The following TIAM2 variants were observed in gnomAD, a reference collection of about 807,000 sequenced individuals.
TIAM2 encodes the protein rho guanine nucleotide exchange factor TIAM2.
In TIAM2, 80 loss-of-function variants were observed where a neutral mutation model predicts 152.9. The ratio of observed to expected loss-of-function variants is 0.52; its 90% CI spans 0.44 to 0.63. The LOEUF (loss-of-function observed/expected upper bound fraction) is 0.63, where lower values mean the gene tolerates loss of function less well. TIAM2 is among the 30% of genes least tolerant of loss of function. The pLI, the probability that TIAM2 is intolerant of heterozygous loss-of-function variation, is 0.00. For missense variants in TIAM2, 1,965 were observed against 2,120.1 expected, an observed-to-expected ratio of 0.93 and a Z score of 1.44; for synonymous variants, 804 against 838.0, an observed-to-expected ratio of 0.96 and a Z score of 0.70.
intron 1 of TIAM2, among the ~76,000 whole-genome samples, chr6:155,012,703 A>G (rs1447709455): frequency 1.3e-5 from 2 of 152,098 alleles, no homozygotes; most frequent in African/African-American, 4.8e-5. Flanking sequence ...GGCTCCCGCC[A>G]CCATGCCTGG....
intron 1 of TIAM2, among the ~76,000 whole-genome samples, chr6:155,059,656 A>G (rs1777533632): frequency 6.6e-6 from 1 of 152,112 alleles, no homozygotes; most frequent in Admixed American, 6.6e-5. Flanking sequence ...AATTAAGGTT[A>G]TGGATTTTGG....
At chr6:155,145,690 G>A (rs1282444512) in intron 6 of TIAM2, among the ~76,000 whole-genome samples, 2 of 152,126 alleles carry the variant, frequency 1.3e-5, no homozygotes, top group African/African-American at 4.8e-5. Flanking sequence ...GCCTCGTAAA[G>A]CTTGGGTTTA....
At position 155,169,081 on chromosome 6, in the gene TIAM2, C is replaced by T. The variant is rs578237333; in HGVS notation, c.2361+3672C>T. The stretch of plus-strand genomic sequence containing the variant: ...CACGATCTTGGCTCACTGCAAGCTT[C>T]GCCTCCCGGGTTCATGCCATTCTCC... On this transcript the variant is annotated intron_variant, in intron 9 of 26. Transcript: ENST00000682666. Among the ~76,000 whole-genome samples, 9 of 152,198 alleles carry T rather than the reference C, an allele frequency of 5.9e-5. No homozygotes were observed. The South Asian group carries it at 1.7e-3, about 28-fold the overall frequency.
rs1780708391 is a variant in TIAM2, at chr6:155,174,324, G to A, written c.2362-2492G>A. Among the ~76,000 whole-genome samples the A allele has an allele frequency of 1.3e-5, 2 of 151,890 alleles. No individual in the cohort carries two copies. Among genetic ancestry groups the A allele is most frequent in the Non-Finnish European group, 1.5e-5 (1 of 68,004 alleles). ...AGAGGGCTGGCTGTGAGTGGTGAGT[G>A]AACTGATGGCACATCAGGAGCTTGT... On this transcript the variant is annotated intron_variant, in intron 9 of 26. Coordinates refer to ENST00000682666, the MANE Select transcript of TIAM2 (RefSeq NM_012454.4). This position sits in a 1 kb window ranked among gnomAD's most constrained non-coding sequence, Gnocchi z 4.2.
At chr6:155,243,846 C>CAAAA (rs59365890) in intron 16 of TIAM2, among the ~76,000 whole-genome samples, 165 bp from the exon 17 acceptor site, 83 of 55,044 alleles carry the variant, frequency 1.5e-3, no homozygotes, top group Admixed American at 2.8e-3. Context: ...GACTCCGTCT[C>CAAAA]AAAAAAAAAA....
intron 4 of TIAM2, among the ~76,000 whole-genome samples, chr6:155,135,203 C>T (rs138749919): frequency 1.6e-4 from 25 of 152,182 alleles, no homozygotes; most frequent in Non-Finnish European, 1.2e-4. Flanking sequence ...GCTTGGGGCG[C>T]AGTTGTTCAT....
At chr6:155,155,695 G>A (rs931398064) in intron 7 of TIAM2, among the ~76,000 whole-genome samples, 1 of 152,028 alleles carries the variant, frequency 6.6e-6, no homozygotes, top group Non-Finnish European at 1.5e-5. Flanking sequence ...GGCTGGTCTC[G>A]AACTCCTGAC....
chr6:155,181,601 C>T (rs1174861869), intron 12 of TIAM2, among the ~76,000 whole-genome samples: 2 of 152,174 alleles, frequency 1.3e-5, no homozygotes, highest in African/African-American at 2.4e-5. Flanking sequence ...AAGCTGAACT[C>T]TGTACCCATT....
chr6:155,097,202 GT>G (rs1330677641), intron 2 of TIAM2, among the ~76,000 whole-genome samples: 1 of 152,022 alleles, frequency 6.6e-6, no homozygotes, highest in Non-Finnish European at 1.5e-5. Context: ...TGAATTATTT[GT>G]TTTTTGCTGT....
rs1469351281 is a variant in TIAM2, at chr6:155,224,667, G to A, written c.3168+13360G>A. 3.9e-5 allele frequency among the ~76,000 whole-genome samples: 6 copies of A among 152,148 alleles called. No homozygotes were observed. The East Asian group carries it at 9.6e-4, about 24-fold the overall frequency. Reference sequence around the variant, plus strand: ...TTGGTTCTTGCCCCTTCCACACCCCGACTGTGTTTGTTCAGCCTCCAGCGC... The same window carrying A: ...TTGGTTCTTGCCCCTTCCACACCCCAACTGTGTTTGTTCAGCCTCCAGCGC... On this transcript the variant is annotated intron_variant, in intron 15 of 26. Coordinates refer to ENST00000682666, the MANE Select transcript of TIAM2 (RefSeq NM_012454.4).
intron 1 of TIAM2, among the ~76,000 whole-genome samples, chr6:155,048,243 G>A (rs993595421): frequency 6.6e-6 from 1 of 152,044 alleles, no homozygotes; most frequent in Non-Finnish European, 1.5e-5. Flanking sequence ...GTGAGCCACT[G>A]TTCCTGCCCT....
intron 1 of TIAM2, among the ~76,000 whole-genome samples, chr6:155,086,831 G>C (rs114958830): frequency 3.3e-5 from 5 of 151,980 alleles, no homozygotes; most frequent in African/African-American, 1.2e-4. Context: ...TATTAATCAC[G>C]TTGTATTAGC....
At chr6:155,204,389 G>C (rs528588807) in intron 14 of TIAM2, among the ~76,000 whole-genome samples, 1 of 152,062 alleles carries the variant, frequency 6.6e-6, no homozygotes, top group African/African-American at 2.4e-5. Context: ...GGCCTGTAGA[G>C]CCAGTGGCTG....
intron 9 of TIAM2, among the ~76,000 whole-genome samples, chr6:155,169,185 T>C (rs1314207712): frequency 6.6e-6 from 1 of 152,010 alleles, no homozygotes; most frequent in Non-Finnish European, 1.5e-5. Context: ...TTAGTAGACA[T>C]GGGGTTTCAC....
chr6:155,085,619 G>T (rs1485755), intron 1 of TIAM2, among the ~76,000 whole-genome samples: 2 of 151,764 alleles, frequency 1.3e-5, no homozygotes, highest in Non-Finnish European at 2.9e-5. Context: ...TTCAGCTTTC[G>T]AGTAGGACAT....
intron 1 of TIAM2, among the ~76,000 whole-genome samples, chr6:155,058,211 A>T (rs1379542875): frequency 6.6e-6 from 1 of 152,042 alleles, no homozygotes; most frequent in Non-Finnish European, 1.5e-5. Flanking sequence ...TGCTAATGGG[A>T]TGTTGGTATT....
intron 1 of TIAM2, among the ~76,000 whole-genome samples, chr6:155,028,653 TATA>T (rs1480162719): frequency 1.5e-5 from 2 of 133,566 alleles, no homozygotes; most frequent in South Asian, 2.3e-4. Context: ...ATATACTACA[TATA>T]ATATATATAC....
At chr6:155,018,671 C>G (rs1392562925) in intron 1 of TIAM2, among the ~76,000 whole-genome samples, 1 of 386 alleles carries the variant, frequency 2.6e-3, no homozygotes, top group African/African-American at 7.2e-3. Flanking sequence ...CTTTCCCTCC[C>G]CTCCCCTCCC....
In TIAM2 at chr6:155,029,455, T is replaced by TAG. The variant is rs1484006742; in HGVS notation, c.-209+33963_-209+33964insAG. 4.3e-4 allele frequency among the ~76,000 whole-genome samples: 18 copies of TAG among 41,752 alleles called. 5 individuals carry two copies. Among genetic ancestry groups the TAG allele is most frequent in the African/African-American group, 1.8e-3 (18 of 10,086 alleles). 27.4% of individuals were successfully genotyped at this position (41,752 alleles called of 152,430 possible). A position where few individuals can be genotyped will look rare whatever the true frequency, so the allele number is the denominator to read the frequency against. ...AGTATATATTATACTATAGTATATA[T>TAG]TATATATAATATATACTATAGTATA... On this transcript the variant is annotated intron_variant, in intron 1 of 26. Coordinates refer to ENST00000682666, the MANE Select transcript of TIAM2 (RefSeq NM_012454.4).
Sources: allele counts gnomAD v4.1 joint callset (sites outside exome capture counted in the v4.1 genomes callset), GRCh38; gene constraint gnomAD v4.1.1; non-coding constraint Gnocchi (gnomAD v3.1); transcripts MANE v1.5; gene names NCBI Gene and HGNC (gene_info 2026-07-23, HGNC 2026-07-21).